Variants in NTM observed in about 807,000 individuals in gnomAD.
NTM encodes neurotrimin, also known as IgLON family member 2.
A neutral mutation model predicts 42.1 loss-of-function variants in NTM; 13 were observed. That is an observed-to-expected ratio of 0.31 (90% confidence interval 0.20 to 0.49). The LOEUF is 0.49. Among genes scored for constraint, NTM ranks in the 20% least tolerant of loss-of-function variants. The pLI is 0.99. For missense variants in NTM, 373 were observed against 452.8 expected (o/e 0.82, Z 1.60); for synonymous variants, 187 against 179.2 (o/e 1.04, Z -0.35).
At chr11:132,211,814 C>G (rs1334760452) in intron 3 of NTM, 1 of 395,618 alleles carries the variant, frequency 2.5e-6, no homozygotes, top group African/African-American at 2.1e-5. Context: ...CATTCGGACT[C>G]CCTGACTTTG....
chr11:131,624,026 T>C (rs961147170), intron 1 of NTM, among the ~76,000 whole-genome samples: 1 of 152,196 alleles, frequency 6.6e-6, no homozygotes, highest in Non-Finnish European at 1.5e-5. Flanking sequence ...AAGACAGTGA[T>C]GGAGCCATGT....
At chr11:132,256,459 C>A (rs2092477591) in intron 4 of NTM, among the ~76,000 whole-genome samples, 1 of 152,150 alleles carries the variant, frequency 6.6e-6, no homozygotes, top group South Asian at 2.1e-4. Context: ...ATACACTTTC[C>A]TCTCTCACAG....
At chr11:131,854,680 T>C (rs2045929793) in intron 1 of NTM, among the ~76,000 whole-genome samples, 1 of 151,582 alleles carries the variant, frequency 6.6e-6, no homozygotes, top group African/African-American at 2.4e-5. Context: ...CGATAAGGAG[T>C]TTGGATTTTG....
intron 2 of NTM, among the ~76,000 whole-genome samples, chr11:132,090,868 T>A (rs538459199): frequency 6.6e-6 from 1 of 152,268 alleles, no homozygotes; most frequent in African/African-American, 2.4e-5. Flanking sequence ...GAAAATCATA[T>A]ATTTCTATAC....
intron 1 of NTM, among the ~76,000 whole-genome samples, chr11:131,781,350 A>G (rs2088083632): frequency 6.6e-6 from 1 of 152,150 alleles, no homozygotes; most frequent in Non-Finnish European, 1.5e-5. Flanking sequence ...AACAAATCAT[A>G]CTGAATAGGA....
chr11:131,544,737 C>T (rs1228503553), intron 1 of NTM, among the ~76,000 whole-genome samples: 2 of 152,200 alleles, frequency 1.3e-5, no homozygotes, highest in African/African-American at 2.4e-5. Context: ...TGCTCCGCAG[C>T]CCTGGGCATA....
intron 2 of NTM, among the ~76,000 whole-genome samples, chr11:132,119,769 A>G (rs924394120): frequency 1.4e-4 from 22 of 152,338 alleles, no homozygotes; most frequent in African/African-American, 4.8e-4. Context: ...ACAGAAGGGC[A>G]GAGCTGTTAA....
intron 1 of NTM, among the ~76,000 whole-genome samples, chr11:131,699,475 G>T (rs946378203): frequency 8.5e-5 from 13 of 152,148 alleles, no homozygotes; most frequent in Non-Finnish European, 7.3e-5. Flanking sequence ...GGCACAAAAG[G>T]CTTTCTGTAG....
intron 3 of NTM, among the ~76,000 whole-genome samples, chr11:132,201,832 A>G (rs928218537): frequency 1.3e-5 from 2 of 152,232 alleles, no homozygotes; most frequent in African/African-American, 4.8e-5. Context: ...AAATCCCTGT[A>G]GGAAGAGCTT....
At chr11:131,719,756 G>T (rs1325779268) in intron 1 of NTM, among the ~76,000 whole-genome samples, 2 of 152,210 alleles carry the variant, frequency 1.3e-5, no homozygotes, top group Non-Finnish European at 2.9e-5. Context: ...AATGGGGGTT[G>T]AGCAGCCAAA....
At chr11:131,675,510 TTC>T (rs1343458934) in intron 1 of NTM, among the ~76,000 whole-genome samples, 1 of 152,210 alleles carries the variant, frequency 6.6e-6, no homozygotes, top group Non-Finnish European at 1.5e-5. Context: ...TGCATTTTTG[TTC>T]TTTCATTTCT....
chr11:132,135,797 C>T (rs2067791811), intron 2 of NTM, among the ~76,000 whole-genome samples: 1 of 152,170 alleles, frequency 6.6e-6, no homozygotes, highest in Non-Finnish European at 1.5e-5. Flanking sequence ...CCTGCTTTGT[C>T]CTGCACAGGG....
chr11:131,508,587 T>G (rs1591872488), intron 1 of NTM, among the ~76,000 whole-genome samples: 1 of 147,394 alleles, frequency 6.8e-6, no homozygotes, highest in East Asian at 2.0e-4. Context: ...CATGCACACG[T>G]ATGTTTATTG....
In NTM at chr11:131,890,176, C is replaced by CTCTG. The variant is rs1565684718; in HGVS notation, c.83-21387_83-21386insCTGT. 3.2e-5 allele frequency among the ~76,000 whole-genome samples: 4 copies of CTCTG among 124,094 alleles called. No individual in the cohort carries two copies. In the South Asian group the frequency reaches 8.0e-4, roughly 25 times the overall value. The allele number at this position is 124,094 out of a possible 152,430, so 81.4% of individuals were successfully genotyped here. ...TCTCTGTCTCTCTCTCTCTCTCTCT[C>CTCTG]TGTCTCTCTCTCTCTCTCACACACA... is the stretch of plus-strand genomic sequence containing the variant. On this transcript the variant is annotated intron_variant, in intron 1 of 8. Coordinates refer to ENST00000683400, the MANE Select transcript of NTM (RefSeq NM_001352005.2).
chr11:132,244,787 G>T (rs1037838294), intron 4 of NTM, among the ~76,000 whole-genome samples: 5 of 152,188 alleles, frequency 3.3e-5, no homozygotes, highest in African/African-American at 9.7e-5. Flanking sequence ...GTGGTGGGCC[G>T]AGAGGGAGCC....
At chr11:131,931,584 G>A (rs987918289) in intron 2 of NTM, among the ~76,000 whole-genome samples, 5 of 151,864 alleles carry the variant, frequency 3.3e-5, no homozygotes, top group African/African-American at 1.2e-4. Flanking sequence ...CATGTGTAGG[G>A]CGTTGCACTA....
At chr11:131,939,629 G>A (rs1565783603) in intron 2 of NTM, among the ~76,000 whole-genome samples, 2 of 152,180 alleles carry the variant, frequency 1.3e-5, no homozygotes, top group African/African-American at 2.4e-5. Context: ...CCTTTGGTGT[G>A]AAGGGATTTC....
intron 1 of NTM, among the ~76,000 whole-genome samples, chr11:131,576,827 T>G (rs1174439962): frequency 6.6e-6 from 1 of 152,232 alleles, no homozygotes; most frequent in Non-Finnish European, 1.5e-5. Flanking sequence ...CTCTGTCAGT[T>G]TCTTACTGTG....
intron 1 of NTM, among the ~76,000 whole-genome samples, chr11:131,704,667 G>A (rs953865247): frequency 6.6e-6 from 1 of 152,058 alleles, no homozygotes; most frequent in African/African-American, 2.4e-5. Context: ...TCCTGACAAA[G>A]CATTTAAAAT....
Sources: allele counts gnomAD v4.1 joint callset (sites outside exome capture counted in the v4.1 genomes callset), GRCh38; gene constraint gnomAD v4.1.1; transcripts MANE v1.5; gene names NCBI Gene and HGNC (gene_info 2026-07-23, HGNC 2026-07-21).